The following BPIFB3 variants were observed in gnomAD, a reference collection of about 807,000 sequenced individuals.
BPIFB3 encodes the protein BPI fold containing family B member 3, also known as BPI fold-containing family B member 3.
BPIFB3 carries 49 observed loss-of-function variants against 53.1 expected under a neutral mutation model. The observed-to-expected ratio is 0.92, with a 90% CI of 0.73 to 1.17. BPIFB3 has a LOEUF of 1.17. Ranked by LOEUF, BPIFB3 falls within the 50% of genes most tolerant of loss-of-function variation. The pLI is 0.00. For synonymous variants in BPIFB3, 271 were observed against 269.6 expected, an observed-to-expected ratio of 1.01 and a Z score of -0.05; for missense variants, 628 against 592.5, an observed-to-expected ratio of 1.06 and a Z score of -0.62.
rs1352051793 is a variant in BPIFB3 at position 33,055,467 on chromosome 20, G to A, written c.44G>A (p.Trp15Ter). 1 of 1,613,718 alleles carries A rather than the reference G, an allele frequency of 6.2e-7. No homozygotes were observed. The highest frequency in any genetic ancestry group is 8.5e-7 in the Non-Finnish European group (1 of 1,180,030). Residue 15 changes from tryptophan to a stop codon, truncating the protein, a stop_gained, in exon 1 of 15, where the codon TGG becomes TAG. Transcript: ENST00000375494. LOFTEE classifies it high-confidence loss of function. ...GCCCTGTGGTCCCTGCTTCTGCTCT[G>A]GGGCCTGGCGACTCCATGCCAGGAG...
At chr20:33,054,263 G>A (rs910129035), upstream of BPIFB3, among the ~76,000 whole-genome samples, 89 of 152,090 alleles carry the variant, frequency 5.9e-4, 1 homozygote, top group African/African-American at 2.0e-3. Flanking sequence ...ACATGCTGCT[G>A]AATTTCTATC....
exon 2 of BPIFB3, chr20:33,056,663 C>A: frequency 6.2e-7 from 1 of 1,610,562 alleles, no homozygotes; most frequent in Non-Finnish European, 8.5e-7. Context: ...TGCTGGGCCA[C>A]GGAGGGGTTT....
intron 1 of BPIFB3, among the ~76,000 whole-genome samples, chr20:33,056,056 C>A (rs1329065016): frequency 6.6e-6 from 1 of 152,188 alleles, no homozygotes; most frequent in East Asian, 1.9e-4. Flanking sequence ...TGCACAGAGT[C>A]AGGCCTGGAG....
At position 33,072,819 on chromosome 20, in the gene BPIFB3, CAGGTGGGCCT is replaced by C. The variant is rs752575308; in HGVS notation, c.1401+27_1401+36del. The C allele has an allele frequency of 1.2e-5, 19 of 1,572,398 alleles. No homozygotes were observed. In the African/African-American group the frequency reaches 2.0e-4, roughly 17 times the overall value. On this transcript the variant is annotated intron_variant, in intron 14 of 14. Transcript: ENST00000375494. ...GTGAGCCTTCTCTGCAGATACGGCC[CAGGTGGGCCT>C]TAAGCTTGTCTCTGGAAAGCTCTGC...
intron 9 of BPIFB3, among the ~76,000 whole-genome samples, chr20:33,067,630 G>A (rs1980721135): frequency 6.6e-6 from 1 of 152,240 alleles, no homozygotes; most frequent in Non-Finnish European, 1.5e-5. Flanking sequence ...TGGAAGGGAT[G>A]CGATTGGAGT....
intron 11 of BPIFB3, 92 bp from the exon 13 acceptor site, chr20:33,071,161 C>T: frequency 4.4e-6 from 5 of 1,140,148 alleles, no homozygotes; most frequent in Non-Finnish European, 5.9e-6. Flanking sequence ...ATCCTGTTTC[C>T]TGATGATGAG....
intron 13 of BPIFB3, 96 bp downstream of exon 14, chr20:33,072,263 G>A (rs2146394472): frequency 1.5e-6 from 2 of 1,315,292 alleles, no homozygotes; most frequent in South Asian, 1.2e-5. Context: ...GGGACACTGA[G>A]GCCAGAGAGA....
At chr20:33,065,523 AGAAGGAAG>A (rs374472760) in intron 8 of BPIFB3, among the ~76,000 whole-genome samples, 26 of 151,046 alleles carry the variant, frequency 1.7e-4, no homozygotes, top group African/African-American at 5.6e-4. Context: ...AAAAAGAGAA[AGAAGGAAG>A]GAAGGAAGGA....
intron 12 of BPIFB3, among the ~76,000 whole-genome samples, chr20:33,071,680 T>G (rs1194975275): frequency 2.0e-5 from 3 of 152,124 alleles, no homozygotes; most frequent in Non-Finnish European, 4.4e-5. Flanking sequence ...GGTTCCTGCT[T>G]CTTACAGAGT....
chr20:33,073,582 G>A (rs765548455), exon 15 of BPIFB3: 5 of 1,614,118 alleles, frequency 3.1e-6, no homozygotes, highest in East Asian at 4.5e-5. Context: ...ACAGAATGCT[G>A]TTGTGCTGAC....
chr20:33,059,821 C>T lies in BPIFB3; in HGVS notation c.387-70C>T, dbSNP rs573213661. 322 of 1,564,566 alleles carry T rather than the reference C, an allele frequency of 2.1e-4. 3 individuals carry two copies. In the South Asian group the frequency reaches 3.6e-3, roughly 18 times the overall value. ...CACAGAGCCTAGGCCACTGGCAGGG[C>T]CACCCTGGTGGGCGGGGCCAAGGGT... On this transcript the variant is annotated intron_variant, in intron 3 of 14. Coordinates refer to ENST00000375494, the Ensembl canonical transcript of BPIFB3.
At chr20:33,073,451 A>G (rs1281845349) in intron 14 of BPIFB3, 125 bp from the exon 16 acceptor site, 7 of 917,670 alleles carry the variant, frequency 7.6e-6, no homozygotes, top group Non-Finnish European at 1.0e-5. Flanking sequence ...TCATTTATTC[A>G]TTTAATGAGT....
chr20:33,068,752 T>C, intron 9 of BPIFB3, 51 bp from the exon 11 acceptor site: 1 of 1,571,002 alleles, frequency 6.4e-7, no homozygotes, highest in Non-Finnish European at 8.7e-7. Flanking sequence ...GCTGACTGAC[T>C]GACTGATTGT....
chr20:33,059,657 C>T (rs182449321), intron 3 of BPIFB3, among the ~76,000 whole-genome samples, 175 bp downstream of exon 4: 15 of 152,168 alleles, frequency 9.9e-5, no homozygotes, highest in Admixed American at 8.5e-4. Flanking sequence ...GGATCCTATG[C>T]CATTGCCCTT....
intron 5 of BPIFB3, among the ~76,000 whole-genome samples, chr20:33,063,386 G>T (rs1049782813): frequency 1.3e-5 from 2 of 152,130 alleles, no homozygotes; most frequent in East Asian, 3.9e-4. Flanking sequence ...TTCTAATGGG[G>T]CTCTTGTAAC....
In BPIFB3 at chr20:33,056,663, C is replaced by T. The variant is rs780244191; in HGVS notation, c.246C>T (p.His82=). 2.3e-5 allele frequency: 37 copies of T among 1,610,444 alleles called. No homozygotes were observed. The Admixed American group carries it at 3.4e-4, about 15-fold the overall frequency. Residue 82 remains histidine, a synonymous_variant, in exon 2 of 15, where the codon CAC becomes CAT. Transcript: ENST00000375494. ...TTGGAGGAGGCGGCTTGCTGGGCCA[C>T]GGAGGGGTTTTTGGCGTTGTCGAGG... is the stretch of plus-strand genomic sequence containing the variant.
chr20:33,055,305 A>C, upstream of BPIFB3: 1 of 1,456,444 alleles, frequency 6.9e-7, no homozygotes, highest in South Asian at 1.3e-5. Context: ...CTGGGAGTGA[A>C]GCTCAATTTG....
intron 5 of BPIFB3, 141 bp downstream of exon 6, chr20:33,061,972 T>G (rs555990387): frequency 2.0e-6 from 2 of 1,003,924 alleles, no homozygotes; most frequent in South Asian, 3.2e-5. Flanking sequence ...CATCCGGGCC[T>G]GCTGACCGGC....
At chr20:33,068,859 A>C in exon 10 of BPIFB3, 1 of 1,613,880 alleles carries the variant, frequency 6.2e-7, no homozygotes, top group Non-Finnish European at 8.5e-7. Context: ...GGGTGAGGGA[A>C]GCTCCCACGG....
Sources: allele counts gnomAD v4.1 joint callset (sites outside exome capture counted in the v4.1 genomes callset), GRCh38; gene constraint gnomAD v4.1.1; transcripts MANE v1.5; gene names NCBI Gene and HGNC (gene_info 2026-07-23, HGNC 2026-07-21).